PCSK5: variants seen among roughly 807,000 people sequenced by gnomAD.
PCSK5 encodes prohormone convertase 5.
In PCSK5, 129 loss-of-function variants were observed where a neutral mutation model predicts 233.2. That is an observed-to-expected ratio of 0.55 (90% CI 0.48 to 0.64). The LOEUF (loss-of-function observed/expected upper bound fraction) is 0.64, where lower values mean the gene tolerates loss of function less well. Among genes scored for constraint, PCSK5 ranks in the 30% least tolerant of loss-of-function variants. PCSK5 has a pLI of 0.00. For synonymous variants in PCSK5, 825 were observed against 879.2 expected, an observed-to-expected ratio of 0.94 and a Z score of 1.09; for missense variants, 2,076 against 2,430.1, an observed-to-expected ratio of 0.85 and a Z score of 3.06.
At chr9:76,128,833 T>G (rs1431472127) in intron 9 of PCSK5, among the ~76,000 whole-genome samples, 2 of 152,202 alleles carry the variant, frequency 1.3e-5, no homozygotes, top group African/African-American at 2.4e-5. Context: ...TTCTAAATCT[T>G]GAGGTATTAT....
At chr9:76,118,756 A>G (rs1199635806) in intron 9 of PCSK5, among the ~76,000 whole-genome samples, 1 of 151,990 alleles carries the variant, frequency 6.6e-6, no homozygotes, top group Non-Finnish European at 1.5e-5. Context: ...AAACATATAT[A>G]TAAATCATGC....
At chr9:76,116,810 C>G (rs1374481587) in intron 9 of PCSK5, among the ~76,000 whole-genome samples, 2 of 152,128 alleles carry the variant, frequency 1.3e-5, no homozygotes, top group Admixed American at 6.6e-5. Flanking sequence ...CCAGAACCCA[C>G]CATTCTACCA....
At chr9:76,221,404 C>T (rs1211366702) in intron 20 of PCSK5, among the ~76,000 whole-genome samples, 1 of 152,220 alleles carries the variant, frequency 6.6e-6, no homozygotes, top group African/African-American at 2.4e-5. Context: ...AGAGCATGGG[C>T]TCAGTCTCAG....
intron 5 of PCSK5, among the ~76,000 whole-genome samples, chr9:76,057,635 G>A (rs1829867586): frequency 6.6e-6 from 1 of 152,002 alleles, no homozygotes. Context: ...CCCTTTATAA[G>A]GAAATAGTCA....
chr9:76,197,873 T>C (rs1824764155), intron 20 of PCSK5, among the ~76,000 whole-genome samples: 1 of 152,206 alleles, frequency 6.6e-6, no homozygotes, highest in Admixed American at 6.5e-5. Flanking sequence ...TGTTGCAGAC[T>C]CATGAAATCT....
In PCSK5 at chr9:76,274,978, G is replaced by A. The variant is rs551246323; in HGVS notation, c.3143-17255G>A. 7.9e-5 allele frequency among the ~76,000 whole-genome samples: 12 copies of A among 152,060 alleles called. No individual in the cohort carries two copies. The South Asian group carries it at 1.7e-3, about 21-fold the overall frequency. Reference sequence around the variant, plus strand: ...AAGCAGCCCTCATAGGAACTCTCACGGGAATTAGTAAAGCAAGAACTCACT... The same window carrying A: ...AAGCAGCCCTCATAGGAACTCTCACAGGAATTAGTAAAGCAAGAACTCACT... On this transcript the variant is annotated intron_variant, in intron 24 of 37. Coordinates refer to ENST00000674117, the MANE Select transcript of PCSK5 (RefSeq NM_001372043.1).
At chr9:76,168,923 C>T (rs2131840634) in intron 12 of PCSK5, among the ~76,000 whole-genome samples, 1 of 152,192 alleles carries the variant, frequency 6.6e-6, no homozygotes, top group Non-Finnish European at 1.5e-5. Context: ...TATAATTTTG[C>T]CTTTTCTAGA....
chr9:76,044,303 A>G (rs1829283795), intron 5 of PCSK5, among the ~76,000 whole-genome samples: 1 of 152,242 alleles, frequency 6.6e-6, no homozygotes, highest in Non-Finnish European at 1.5e-5. Flanking sequence ...AGACATTTCC[A>G]TACTGATTTA....
At chr9:76,314,407 A>G (rs1400088761) in intron 30 of PCSK5, among the ~76,000 whole-genome samples, 1 of 152,188 alleles carries the variant, frequency 6.6e-6, no homozygotes, top group Admixed American at 6.6e-5. Flanking sequence ...AAAACTAACA[A>G]CAGAAGACAC....
intron 3 of PCSK5, among the ~76,000 whole-genome samples, chr9:75,990,262 C>T (rs897542190): frequency 1.3e-5 from 2 of 152,144 alleles, no homozygotes; most frequent in African/African-American, 2.4e-5. Context: ...CCATTTCTGT[C>T]GTTCAATATT....
chr9:75,929,234 G>A (rs543163439), intron 1 of PCSK5, among the ~76,000 whole-genome samples: 9 of 152,184 alleles, frequency 5.9e-5, no homozygotes, highest in African/African-American at 2.2e-4. Flanking sequence ...TGCACAGCTG[G>A]ATTCTGATTT....
intron 20 of PCSK5, among the ~76,000 whole-genome samples, chr9:76,197,883 T>C (rs1824764726): frequency 6.6e-6 from 1 of 152,234 alleles, no homozygotes; most frequent in South Asian, 2.1e-4. Flanking sequence ...TCATGAAATC[T>C]GAAGTTTTCA....
At chr9:76,302,459 T>A (rs558143117) in intron 28 of PCSK5, among the ~76,000 whole-genome samples, 2 of 152,242 alleles carry the variant, frequency 1.3e-5, no homozygotes, top group East Asian at 3.9e-4. Context: ...AGGATATTCG[T>A]GACGAGCTAA....
chr9:76,199,712 C>A (rs1347950747), intron 20 of PCSK5, among the ~76,000 whole-genome samples: 1 of 152,132 alleles, frequency 6.6e-6, no homozygotes, highest in Admixed American at 6.5e-5. Flanking sequence ...CTTCTACACT[C>A]TCTCCAAGGA....
chr9:75,947,386 G>A (rs1450927025), intron 2 of PCSK5, among the ~76,000 whole-genome samples: 2 of 152,100 alleles, frequency 1.3e-5, no homozygotes, highest in East Asian at 3.9e-4. Flanking sequence ...GAACAAGGGT[G>A]GATGCAGTTA....
At chr9:76,008,552 C>G (rs968557700) in intron 3 of PCSK5, among the ~76,000 whole-genome samples, 3 of 151,962 alleles carry the variant, frequency 2.0e-5, no homozygotes, top group African/African-American at 7.3e-5. Flanking sequence ...ACCTCTGCCT[C>G]CCAGGTTCAA....
chr9:75,903,565 T>C (rs1449399978), intron 1 of PCSK5, among the ~76,000 whole-genome samples: 2 of 134,736 alleles, frequency 1.5e-5, no homozygotes, highest in Admixed American at 7.4e-5. Flanking sequence ...TGTATATATG[T>C]GTGTGTGTGT....
intron 5 of PCSK5, among the ~76,000 whole-genome samples, chr9:76,055,987 G>A (rs1266610772): frequency 6.6e-6 from 1 of 151,982 alleles, no homozygotes; most frequent in African/African-American, 2.4e-5. Flanking sequence ...CCTATTTCTG[G>A]CTCTCCTCTC....
In PCSK5 at chr9:76,157,182, A is replaced by G. The variant is rs369040490; in HGVS notation, c.1430+20A>G. On this transcript the variant is annotated intron_variant, in intron 11 of 37. Coordinates refer to ENST00000674117, the MANE Select transcript of PCSK5 (RefSeq NM_001372043.1). ...AATCAAGTAATGCTTGCTGCCGGCA[A>G]ACAGCATGACAATGCCCCAAAATAG... The G allele has an allele frequency of 3.2e-6, 5 of 1,539,970 alleles. No homozygotes were observed. The African/African-American group carries it at 6.8e-5, about 21-fold the overall frequency.
Sources: allele counts gnomAD v4.1 joint callset (sites outside exome capture counted in the v4.1 genomes callset), GRCh38; gene constraint gnomAD v4.1.1; transcripts MANE v1.5; gene names NCBI Gene and HGNC (gene_info 2026-07-23, HGNC 2026-07-21).